GFPT2: variants seen among roughly 807,000 people sequenced by gnomAD.
GFPT2 encodes glutamine--fructose-6-phosphate transaminase 2.
Under a neutral mutation model 85.6 loss-of-function variants are expected in GFPT2, and 62 were observed. The observed-to-expected ratio is 0.72, with a 90% confidence interval of 0.59 to 0.90. The LOEUF is 0.90. Among genes scored for constraint, GFPT2 ranks in the 40% least tolerant of loss-of-function variants. The pLI is 0.00. For synonymous variants in GFPT2, 368 were observed against 344.5 expected (o/e 1.07, Z -0.75); for missense variants, 788 against 893.4 (o/e 0.88, Z 1.50).
chr5:180,347,148 T>A (rs911025952), intron 1 of GFPT2, among the ~76,000 whole-genome samples: 7 of 152,086 alleles, frequency 4.6e-5, no homozygotes, highest in Non-Finnish European at 7.4e-5. Context: ...AGGGTTGGGA[T>A]TGAGAGGCCA....
intron 17 of GFPT2, among the ~76,000 whole-genome samples, chr5:180,304,043 C>T (rs1763731905): frequency 6.6e-6 from 1 of 152,108 alleles, no homozygotes; most frequent in Non-Finnish European, 1.5e-5. Context: ...TCACTCCATC[C>T]TGCCTACTTA....
At chr5:180,324,659 T>C (rs1478602980) in intron 8 of GFPT2, among the ~76,000 whole-genome samples, 157 bp downstream of exon 8, 2 of 152,234 alleles carry the variant, frequency 1.3e-5, no homozygotes, top group African/African-American at 4.8e-5. Context: ...CAAGTCTCAG[T>C]TGCACAAAAA....
intron 17 of GFPT2, among the ~76,000 whole-genome samples, chr5:180,303,255 A>G (rs1298030514): frequency 6.6e-6 from 1 of 152,110 alleles, no homozygotes; most frequent in Non-Finnish European, 1.5e-5. Context: ...ATGAATTCCA[A>G]AGAAATGCCA....
At position 180,330,658 on chromosome 5, in the gene GFPT2, A is replaced by G; in HGVS notation, c.534+42T>C. On this transcript the variant is annotated intron_variant, in intron 6 of 18. Coordinates refer to ENST00000253778, the MANE Select transcript of GFPT2 (RefSeq NM_005110.4). The surrounding 1 kb of genome is among the most constrained non-coding windows in gnomAD (Gnocchi z 4.4). ...GCTTGAAAAAAATGTTTTTAATGAA[A>G]GAATGAAGGAATGAGTTAGACAGAT... The G allele has an allele frequency of 2.0e-6, 3 of 1,532,776 alleles. No individual in the cohort carries two copies. The highest frequency in any genetic ancestry group is 1.4e-5 in the African/African-American group (1 of 72,628). The allele number at this position is 1,532,776 out of a possible 1,614,324, so 94.9% of individuals were successfully genotyped here. A position where few individuals can be genotyped will look rare whatever the true frequency, so the allele number is the denominator to read the frequency against.
chr5:180,341,198 G>T (rs1308538467), intron 1 of GFPT2, among the ~76,000 whole-genome samples: 2 of 152,204 alleles, frequency 1.3e-5, no homozygotes, highest in Non-Finnish European at 2.9e-5. Flanking sequence ...CGGGATGGAT[G>T]CCACGAGGGT....
rs145530980 is a variant in GFPT2 at position 180,330,159 on chromosome 5, A to G, written c.534+541T>C. Among the ~76,000 whole-genome samples, 1 of 152,294 alleles carries G rather than the reference A, an allele frequency of 6.6e-6. No individual in the cohort carries two copies. The highest frequency in any genetic ancestry group is 1.5e-5 in the Non-Finnish European group (1 of 68,032). Reference sequence around the variant, plus strand: ...AACATAGTGAAACCCTGTCTCTACTAAAAGTACAAAAATTAGCCAGGTGTG... The same window carrying G: ...AACATAGTGAAACCCTGTCTCTACTGAAAGTACAAAAATTAGCCAGGTGTG... On this transcript the variant is annotated intron_variant, in intron 6 of 18. Coordinates refer to ENST00000253778, the MANE Select transcript of GFPT2 (RefSeq NM_005110.4). This position sits in a 1 kb window ranked among gnomAD's most constrained non-coding sequence, Gnocchi z 4.4.
intron 2 of GFPT2, among the ~76,000 whole-genome samples, chr5:180,336,867 C>CCCTCT: frequency 6.6e-6 from 1 of 152,378 alleles, no homozygotes; most frequent in Non-Finnish European, 1.5e-5. Context: ...CGCTCCCAGG[C>CCCTCT]CCTCGGCTGA....
At chr5:180,305,410 G>T (rs1298400928) in intron 16 of GFPT2, among the ~76,000 whole-genome samples, 1 of 152,190 alleles carries the variant, frequency 6.6e-6, no homozygotes, top group Non-Finnish European at 1.5e-5. Flanking sequence ...ACAAACTGGG[G>T]TGTTATTTGA....
intron 15 of GFPT2, among the ~76,000 whole-genome samples, chr5:180,311,749 A>C (rs1763885361): frequency 6.6e-6 from 1 of 152,162 alleles, no homozygotes; most frequent in South Asian, 2.1e-4. Context: ...TTATGAAAAA[A>C]ATAAACAGGC....
intron 4 of GFPT2, among the ~76,000 whole-genome samples, chr5:180,331,965 G>C (rs963154576): frequency 6.6e-6 from 1 of 152,212 alleles, no homozygotes; most frequent in African/African-American, 2.4e-5. Flanking sequence ...CAAAGAGGTC[G>C]CAAAGAACAG....
Position 180,316,435 on chromosome 5 carries a change from A to T in GFPT2, c.1179T>A (p.Thr393=), listed in dbSNP as rs752337077. ...VATRQVLEEL[T]ELPVMVELAS... ...CAAGTTCAACCATCACAGGAAGCTC[A>T]GTCAGTTCCTCCAAAACTTGCCGCG... Residue 393 remains threonine (T), a synonymous_variant, in exon 13 of 19, where the codon ACT becomes ACA. Coordinates refer to ENST00000253778, the MANE Select transcript of GFPT2 (RefSeq NM_005110.4). The T allele has an allele frequency of 3.7e-6, 6 of 1,613,118 alleles. No homozygotes were observed. Among genetic ancestry groups the T allele is most frequent in the Non-Finnish European group, 4.2e-6 (5 of 1,179,058 alleles).
At chr5:180,324,049 T>G in intron 9 of GFPT2, 139 bp downstream of exon 9, 1 of 679,100 alleles carries the variant, frequency 1.5e-6, no homozygotes, top group Non-Finnish European at 2.7e-6. Flanking sequence ...GGCCCAGGGA[T>G]GGCTGAACTC....
At chr5:180,351,035 T>C (rs893489789) in intron 1 of GFPT2, among the ~76,000 whole-genome samples, 1 of 152,236 alleles carries the variant, frequency 6.6e-6, no homozygotes, top group African/African-American at 2.4e-5. Flanking sequence ...TCTAGGAGCA[T>C]CTTCACGATT....
chr5:180,324,830 A>G lies in GFPT2; in HGVS notation c.662T>C (p.Ile221Thr). The change falls in exon 8 of 19, where the codon ATC becomes ACC. Residue 221 changes from isoleucine to threonine, a missense_variant. Transcript: ENST00000253778. ...GAGAAACTTACACGTCCTGTATAAG[A>G]TAGGGATCTGTTCTGTGGAGAGCTT... is the stretch of plus-strand genomic sequence containing the variant. The part of the protein sequence containing the change: ...KYKLSTEQIP[I>T]LYRTCTLENV... 1 of 1,604,484 alleles carries G rather than the reference A, an allele frequency of 6.2e-7. No individual in the cohort carries two copies. Among genetic ancestry groups the G allele is most frequent in the Non-Finnish European group, 8.5e-7 (1 of 1,171,234 alleles).
intron 1 of GFPT2, among the ~76,000 whole-genome samples, chr5:180,351,100 T>C (rs1357595925): frequency 1.3e-5 from 2 of 152,238 alleles, no homozygotes; most frequent in Non-Finnish European, 2.9e-5. Context: ...CTGCAGAATT[T>C]GATTAAATTT....
chr5:180,328,220 C>T lies in GFPT2; in HGVS notation c.596+57G>A. 1.5e-6 allele frequency: 2 copies of T among 1,294,248 alleles called. No individual in the cohort carries two copies. The highest frequency in any genetic ancestry group is 1.1e-6 in the Non-Finnish European group (1 of 888,040). 80.2% of individuals were successfully genotyped at this position (1,294,248 alleles called of 1,614,324 possible). ...CCCTACCTCTCCCGTCTCCCTCCAG[C>T]TAAGTGATTTTATTTTCGTTCTTTC... On this transcript the variant is annotated intron_variant, in intron 7 of 18. Coordinates refer to ENST00000253778, the MANE Select transcript of GFPT2 (RefSeq NM_005110.4). The surrounding 1 kb of genome is among the most constrained non-coding windows in gnomAD (Gnocchi z 5.4).
At chr5:180,316,054 T>C (rs1400595747) in intron 13 of GFPT2, among the ~76,000 whole-genome samples, 1 of 152,218 alleles carries the variant, frequency 6.6e-6, no homozygotes, top group Non-Finnish European at 1.5e-5. Context: ...CTTGAAGTCT[T>C]GGATAGGCAA....
rs1042820698 is a variant in GFPT2, at chr5:180,350,406, G to A, written c.7+2805C>T. ...AAAAAGATGTCTGTCTTCCCTGTTC[G>A]GCCAGTACTCTACCAGGCTGTAGCC... On this transcript the variant is annotated intron_variant, in intron 1 of 18. Coordinates refer to ENST00000253778, the MANE Select transcript of GFPT2 (RefSeq NM_005110.4). 7.9e-5 allele frequency among the ~76,000 whole-genome samples: 12 copies of A among 152,128 alleles called. 1 individual carries two copies. The highest frequency in any genetic ancestry group is 1.4e-4 in the African/African-American group (6 of 41,410).
At chr5:180,333,277 C>T (rs1469879613) in intron 4 of GFPT2, among the ~76,000 whole-genome samples, 2 of 151,958 alleles carry the variant, frequency 1.3e-5, no homozygotes, top group African/African-American at 2.4e-5. Context: ...CTCTGTCGCC[C>T]AGGCTGGAGT....
Sources: gnomAD v4.1 joint callset for allele counts (sites outside exome capture counted in the v4.1 genomes callset) on GRCh38, gnomAD v4.1.1 for gene constraint, Gnocchi (gnomAD v3.1) non-coding constraint, MANE v1.5 for transcripts, NCBI Gene and HGNC (gene_info 2026-07-23, HGNC 2026-07-21) for gene names.